NR3C2: variants seen among roughly 807,000 people sequenced by gnomAD.
The protein encoded by NR3C2 is nuclear receptor subfamily 3 group C member 2.
Under a neutral mutation model 86.4 loss-of-function variants are expected in NR3C2, and 15 were observed. The ratio of observed to expected loss-of-function variants is 0.17; its 90% CI spans 0.12 to 0.27. NR3C2 has a LOEUF of 0.27. Ranked by LOEUF, NR3C2 falls within the 10% of genes least tolerant of loss-of-function variation. The probability of loss-of-function intolerance (pLI) is 1.00; values close to 1 mark genes in which losing one functional copy is unlikely to be tolerated. For synonymous variants in NR3C2, 458 were observed against 450.5 expected, an observed-to-expected ratio of 1.02 and a Z score of -0.21; for missense variants, 960 against 1,195.6, an observed-to-expected ratio of 0.80 and a Z score of 2.91.
chr4:148,135,849 G>A (rs1733282523), intron 6 of NR3C2, among the ~76,000 whole-genome samples: 1 of 151,368 alleles, frequency 6.6e-6, no homozygotes, highest in African/African-American at 2.4e-5. Flanking sequence ...GAGGTCAGGA[G>A]ATCGAGACCA....
intron 6 of NR3C2, among the ~76,000 whole-genome samples, chr4:148,150,145 G>C (rs1734039324): frequency 6.6e-6 from 1 of 152,210 alleles, no homozygotes. Flanking sequence ...CAACCAAACT[G>C]CCCATTAACG....
rs574571690 is a variant in NR3C2, at chr4:148,420,142, G to A, written c.1757+14962C>T. On this transcript the variant is annotated intron_variant, in intron 2 of 8. Transcript: ENST00000358102. ...CAAGCCAGATCAATCAGAATCTGTC[G>A]AGAAAGGTTATTCCTTTTAACCTGA... 1.6e-3 allele frequency among the ~76,000 whole-genome samples: 244 copies of A among 152,118 alleles called. 1 individual carries two copies. Among genetic ancestry groups the A allele is most frequent in the Non-Finnish European group, 3.0e-3 (205 of 68,028 alleles).
intron 4 of NR3C2, among the ~76,000 whole-genome samples, chr4:148,164,439 C>T (rs903566408): frequency 6.6e-6 from 1 of 152,152 alleles, no homozygotes; most frequent in African/African-American, 2.4e-5. Flanking sequence ...AATTTACATT[C>T]TTTAGAAAAT....
At chr4:148,254,955 C>T (rs542372692) in intron 3 of NR3C2, among the ~76,000 whole-genome samples, 3 of 152,052 alleles carry the variant, frequency 2.0e-5, no homozygotes, top group African/African-American at 4.8e-5. Flanking sequence ...TGTACATTGC[C>T]AGCTATAAGG....
At chr4:148,427,782 C>T (rs2126630690) in intron 2 of NR3C2, among the ~76,000 whole-genome samples, 1 of 152,144 alleles carries the variant, frequency 6.6e-6, no homozygotes, top group South Asian at 2.1e-4. Flanking sequence ...GGGCCTAAAG[C>T]AAGGATGTGC....
At chr4:148,387,316 C>G (rs1449855758) in intron 2 of NR3C2, among the ~76,000 whole-genome samples, 1 of 152,148 alleles carries the variant, frequency 6.6e-6, no homozygotes, top group Non-Finnish European at 1.5e-5. Flanking sequence ...AACAGAAAGT[C>G]AGAAAGAACC....
intron 2 of NR3C2, among the ~76,000 whole-genome samples, chr4:148,411,541 G>A (rs149803253): frequency 6.6e-6 from 1 of 152,256 alleles, no homozygotes; most frequent in Admixed American, 6.5e-5. Flanking sequence ...ATAAACAAAT[G>A]GACATATTCT....
chr4:148,134,641 C>CTTTTTTTT (rs1379133428), intron 6 of NR3C2, among the ~76,000 whole-genome samples: 5 of 60,998 alleles, frequency 8.2e-5, no homozygotes, highest in Admixed American at 1.7e-4. Context: ...CTCTCTCTCT[C>CTTTTTTTT]TCTTTTTTTT....
intron 2 of NR3C2, among the ~76,000 whole-genome samples, chr4:148,311,493 T>A (rs1398139525): frequency 2.0e-5 from 3 of 152,080 alleles, no homozygotes; most frequent in African/African-American, 7.2e-5. Context: ...TCAAAATACA[T>A]CCAGAATTGG....
intron 2 of NR3C2, among the ~76,000 whole-genome samples, chr4:148,379,986 A>G (rs1746883404): frequency 6.6e-6 from 1 of 152,250 alleles, no homozygotes; most frequent in Non-Finnish European, 1.5e-5. Context: ...TCAAAAAGGT[A>G]TAAGGGAAAA....
intron 2 of NR3C2, among the ~76,000 whole-genome samples, chr4:148,419,759 C>G (rs1357578014): frequency 6.6e-6 from 1 of 152,154 alleles, no homozygotes; most frequent in Non-Finnish European, 1.5e-5. Context: ...TCAGATCCTT[C>G]CTCCCAAAAA....
chr4:148,145,002 G>A (rs1459746077), intron 6 of NR3C2, among the ~76,000 whole-genome samples: 1 of 152,164 alleles, frequency 6.6e-6, no homozygotes, highest in Non-Finnish European at 1.5e-5. Context: ...CTGCCACCAG[G>A]AATGTCAGGC....
chr4:148,158,714 C>T (rs1734520225), intron 4 of NR3C2, among the ~76,000 whole-genome samples: 1 of 152,168 alleles, frequency 6.6e-6, no homozygotes, highest in Non-Finnish European at 1.5e-5. Flanking sequence ...TTTCAGTCTA[C>T]AATGCTGTGC....
At chr4:148,320,677 G>C (rs1419953672) in intron 2 of NR3C2, among the ~76,000 whole-genome samples, 1 of 151,924 alleles carries the variant, frequency 6.6e-6, no homozygotes, top group East Asian at 1.9e-4. Context: ...GGTGTTTGTA[G>C]TATTCTCTGA....
intron 3 of NR3C2, among the ~76,000 whole-genome samples, chr4:148,236,113 T>C (rs1738739213): frequency 6.6e-6 from 1 of 152,196 alleles, no homozygotes; most frequent in African/African-American, 2.4e-5. Flanking sequence ...GGCAGAATTA[T>C]AACTCATCTT....
At chr4:148,124,601 C>T (rs1324126994) in intron 6 of NR3C2, among the ~76,000 whole-genome samples, 1 of 152,172 alleles carries the variant, frequency 6.6e-6, no homozygotes, top group Non-Finnish European at 1.5e-5. Flanking sequence ...GACTCAATGT[C>T]CTTATTCAAC....
chr4:148,356,815 T>C (rs762339330), intron 2 of NR3C2, among the ~76,000 whole-genome samples: 2 of 148,168 alleles, frequency 1.3e-5, no homozygotes, highest in East Asian at 4.1e-4. Flanking sequence ...TAAAATGAAA[T>C]AGTCATTCAA....
At chr4:148,191,886 ACTT>A (rs1244115216) in intron 4 of NR3C2, among the ~76,000 whole-genome samples, 1 of 151,286 alleles carries the variant, frequency 6.6e-6, no homozygotes, top group Non-Finnish European at 1.5e-5. Context: ...TTCTCCCTTC[ACTT>A]CTTTTATCAT....
At chr4:148,417,358 C>T (rs560069534) in intron 2 of NR3C2, among the ~76,000 whole-genome samples, 1 of 152,174 alleles carries the variant, frequency 6.6e-6, no homozygotes, top group Non-Finnish European at 1.5e-5. Context: ...CTTATAATGA[C>T]TTCTCTATCC....
Sources: gnomAD v4.1 joint callset for allele counts (sites outside exome capture counted in the v4.1 genomes callset) on GRCh38, gnomAD v4.1.1 for gene constraint, MANE v1.5 for transcripts, NCBI Gene and HGNC (gene_info 2026-07-23, HGNC 2026-07-21) for gene names.